ADGRG2: variants seen among roughly 807,000 people sequenced by gnomAD.
ADGRG2 encodes adhesion G protein-coupled receptor G2.
ADGRG2 carries 26 observed loss-of-function variants against 74.1 expected under a neutral mutation model. The ratio of observed to expected loss-of-function variants is 0.35; its 90% CI spans 0.26 to 0.49. The LOEUF (loss-of-function observed/expected upper bound fraction) is 0.49, where lower values mean the gene tolerates loss of function less well. Ranked by LOEUF, ADGRG2 falls within the 20% of genes least tolerant of loss-of-function variation. The probability of loss-of-function intolerance (pLI) is 0.99; values close to 1 mark genes in which losing one functional copy is unlikely to be tolerated. For synonymous variants in ADGRG2, 296 were observed against 295.2 expected, an observed-to-expected ratio of 1.00 and a Z score of -0.03; for missense variants, 619 against 763.1, an observed-to-expected ratio of 0.81 and a Z score of 2.22.
rs190465326 is a variant in ADGRG2 at position 18,989,749 on chromosome X, G to C, written c.*1115C>G. On this transcript the variant is annotated 3_prime_UTR_variant, in exon 29 of 29. Transcript: ENST00000379869. ...GCTCTGGCTGGGCCAGAGTGTACCA[G>C]TCATAACAATCAACAATGTACCATG... 346 of 112,598 alleles carry C rather than the reference G, an allele frequency of 3.1e-3. 1 individual carries two copies. The highest frequency in any genetic ancestry group is 0.01 in the African/African-American group (323 of 30,948). The allele number at this position is 112,598 out of a possible 1,213,427, so 9.3% of individuals were successfully genotyped here. A position where few individuals can be genotyped will look rare whatever the true frequency, so the allele number is the denominator to read the frequency against.
intron 15 of ADGRG2, 103 bp from the exon 16 acceptor site, chrX:19,014,177 G>T: frequency 1.6e-6 from 1 of 631,475 alleles, no homozygotes; most frequent in Non-Finnish European, 2.4e-6. Flanking sequence ...AGTTGACGTA[G>T]TTACATCAGG....
At chrX:19,014,734 G>A (rs2060431521) in intron 15 of ADGRG2, among the ~76,000 whole-genome samples, 1 of 111,443 alleles carries the variant, frequency 9.0e-6, no homozygotes, top group Non-Finnish European at 1.9e-5. Context: ...CTGGGTTCAA[G>A]TGATTCTCTT....
At chrX:19,006,290 AT>A in intron 20 of ADGRG2, 25 bp from the exon 21 acceptor site, 1 of 1,022,338 alleles carries the variant, frequency 9.8e-7, no homozygotes, top group Non-Finnish European at 1.4e-6. Flanking sequence ...TAAATCACAC[AT>A]AATTAATTTA....
rs2060258729 is a variant in ADGRG2, at chrX:19,007,354, G to A, written c.1570C>T (p.Pro524Ser). ...ATCAGAGAGAGGTTCTCCAGGGAAG[G>A]ATCCTGGCACATCAAGATGGCAAGG... The part of the protein sequence containing the change: ...FFETPALFQD[P>S]SLENLSLISY... The change falls in exon 20 of 29, where the codon CCT becomes TCT. Residue 524 changes from proline (P) to serine (S), a missense_variant. Physicochemically the swap from Pro to Ser is moderately conservative, Grantham distance 74. Coordinates refer to ENST00000379869, the MANE Select transcript of ADGRG2 (RefSeq NM_001079858.3). 7 of 1,207,060 alleles carry A rather than the reference G, an allele frequency of 5.8e-6. No homozygotes were observed. The highest frequency in any genetic ancestry group is 7.9e-6 in the Non-Finnish European group (7 of 891,095).
intron 12 of ADGRG2, 53 bp downstream of exon 12, chrX:19,023,855 TC>T: frequency 3.6e-6 from 3 of 831,757 alleles, no homozygotes; most frequent in Non-Finnish European, 5.4e-6. Context: ...CCCTATGCTT[TC>T]CCCCAGGTCA....
chrX:19,007,018 A>C (rs191875784), intron 20 of ADGRG2, among the ~76,000 whole-genome samples: 2 of 110,730 alleles, frequency 1.8e-5, no homozygotes, highest in African/African-American at 3.3e-5. Context: ...CAGCCTCTCA[A>C]AGTGCTGGGA....
intron 2 of ADGRG2, among the ~76,000 whole-genome samples, chrX:19,073,020 G>C (rs2146923771): frequency 8.9e-6 from 1 of 112,277 alleles, no homozygotes; most frequent in Non-Finnish European, 1.9e-5. Context: ...TTGGAGGTGT[G>C]AGCTGGTGGG....
intron 7 of ADGRG2, 178 bp from the exon 8 acceptor site, chrX:19,033,832 G>C (rs951367958): frequency 1.5e-5 from 5 of 338,917 alleles, no homozygotes; most frequent in Non-Finnish European, 2.1e-5. Flanking sequence ...GGATCATGTA[G>C]CATTGGCACA....
chrX:19,081,725 C>T (rs1301499891), intron 2 of ADGRG2, among the ~76,000 whole-genome samples: 1 of 111,612 alleles, frequency 9.0e-6, no homozygotes, highest in Non-Finnish European at 1.9e-5. Flanking sequence ...ACATTGTTTA[C>T]AAAATTTTGA....
At chrX:19,025,974 A>C (rs954203704) in intron 11 of ADGRG2, among the ~76,000 whole-genome samples, 6 of 111,882 alleles carry the variant, frequency 5.4e-5, no homozygotes, top group Non-Finnish European at 1.1e-4. Flanking sequence ...TTTACATTTC[A>C]CATATATAAA....
At chrX:19,113,986 C>A (rs1378541103) in intron 1 of ADGRG2, among the ~76,000 whole-genome samples, 1 of 105,787 alleles carries the variant, frequency 9.5e-6, no homozygotes, top group African/African-American at 3.5e-5. Context: ...GCAGGAGAAT[C>A]ACCTGAACCC....
intron 2 of ADGRG2, among the ~76,000 whole-genome samples, chrX:19,079,208 G>C (rs1462553629): frequency 9.0e-6 from 1 of 111,684 alleles, no homozygotes; most frequent in East Asian, 2.8e-4. Flanking sequence ...TAAGGAATAA[G>C]AGTTTCAATC....
At chrX:19,064,307 G>A (rs2061531898) in intron 3 of ADGRG2, among the ~76,000 whole-genome samples, 1 of 112,751 alleles carries the variant, frequency 8.9e-6, no homozygotes. Flanking sequence ...CCATATGTGA[G>A]TGCCCTATAG....
chrX:19,010,640 G>A lies in ADGRG2; in HGVS notation c.1238C>T (p.Pro413Leu), dbSNP rs1288641130. The change falls in exon 17 of 29, where the codon CCT becomes CTT. Residue 413 changes from proline to leucine, a missense_variant. Transcript: ENST00000379869. ...NQVSRLLHSP[P>L]DMLAPLAQRL... ...TTGAGCCAGAGGGGCCAGCATGTCA[G>A]GCGGGGAATGAAGGAGTCTGCTGAC... 1.7e-6 allele frequency: 2 copies of A among 1,207,306 alleles called. No individual in the cohort carries two copies. Among genetic ancestry groups the A allele is most frequent in the African/African-American group, 3.5e-5 (2 of 56,962 alleles).
chrX:19,000,107 C>T (rs1313822454), intron 24 of ADGRG2, 147 bp from the exon 25 acceptor site: 3 of 395,513 alleles, frequency 7.6e-6, no homozygotes, highest in Non-Finnish European at 1.3e-5. Context: ...GATTCTCCTG[C>T]CTCAGCCTCC....
Position 19,007,426 on chromosome X carries a change from G to A in ADGRG2, c.1567-69C>T, listed in dbSNP as rs906467916. 6.1e-6 allele frequency: 6 copies of A among 987,766 alleles called. No homozygotes were observed. The Admixed American group carries it at 1.1e-4, about 19-fold the overall frequency. 81.4% of individuals were successfully genotyped at this position (987,766 alleles called of 1,213,427 possible). On this transcript the variant is annotated intron_variant, in intron 19 of 28. Coordinates refer to ENST00000379869, the MANE Select transcript of ADGRG2 (RefSeq NM_001079858.3). ...TTTTAGAGCTAGAAGGAACACTAAG[G>A]AATATTCAGTCCACATTGTTTATCT...
intron 3 of ADGRG2, among the ~76,000 whole-genome samples, chrX:19,054,503 A>G (rs2061378827): frequency 8.9e-6 from 1 of 112,214 alleles, no homozygotes; most frequent in Non-Finnish European, 1.9e-5. Flanking sequence ...ATATAAGGAA[A>G]AACTTGAAAA....
At chrX:19,047,174 A>G (rs2061210120) in intron 3 of ADGRG2, among the ~76,000 whole-genome samples, 1 of 112,096 alleles carries the variant, frequency 8.9e-6, no homozygotes, top group Non-Finnish European at 1.9e-5. Flanking sequence ...GTATGCTAAA[A>G]TGTCCACCCA....
rs143898236 is a variant in ADGRG2 at position 19,112,157 on chromosome X, G to A, written c.-47+10285C>T. The stretch of plus-strand genomic sequence containing the variant: ...TCCGATAATGGTTCATTGCAACCTC[G>A]ATCTCCTGGGTTCAAGTGATCCTAA... On this transcript the variant is annotated intron_variant, in intron 1 of 28. Transcript: ENST00000379869. 5.0e-3 allele frequency among the ~76,000 whole-genome samples: 555 copies of A among 110,119 alleles called. 4 individuals carry two copies. The highest frequency in any genetic ancestry group is 0.017 in the African/African-American group (522 of 30,290).
Sources: gnomAD v4.1 joint callset for allele counts (sites outside exome capture counted in the v4.1 genomes callset) on GRCh38, gnomAD v4.1.1 for gene constraint, MANE v1.5 for transcripts, NCBI Gene and HGNC (gene_info 2026-07-23, HGNC 2026-07-21) for gene names.